The following DDX60L variants were observed in gnomAD, a reference collection of about 807,000 sequenced individuals.
DDX60L encodes the protein DExD/H-box 60 like, also known as probable ATP-dependent RNA helicase DDX60-like.
DDX60L carries 191 observed loss-of-function variants against 211.6 expected under a neutral mutation model. The ratio of observed to expected loss-of-function variants is 0.90; its 90% CI spans 0.80 to 1.02. The LOEUF is 1.02. Ranked by LOEUF, DDX60L falls within the 50% of genes least tolerant of loss-of-function variation. DDX60L has a pLI of 0.00. For synonymous variants in DDX60L, 706 were observed against 694.1 expected (o/e 1.02, Z -0.27); for missense variants, 2,007 against 1,984.1 (o/e 1.01, Z -0.22).
chr4:168,414,486 T>A (rs1185940288), intron 22 of DDX60L, among the ~76,000 whole-genome samples: 2 of 152,122 alleles, frequency 1.3e-5, no homozygotes, highest in Non-Finnish European at 2.9e-5. Flanking sequence ...TACCTTATGA[T>A]CCAGCAATAC....
At chr4:168,358,380 G>A in intron 37 of DDX60L, 104 bp from the exon 38 acceptor site, 1 of 823,212 alleles carries the variant, frequency 1.2e-6, no homozygotes, top group Non-Finnish European at 1.8e-6. Context: ...AAATCTATCA[G>A]ATGTAAATAT....
At chr4:168,427,701 T>C (rs1045299206) in intron 13 of DDX60L, among the ~76,000 whole-genome samples, 1 of 152,172 alleles carries the variant, frequency 6.6e-6, no homozygotes, top group Non-Finnish European at 1.5e-5. Context: ...CACAAAGCAT[T>C]TTGGGCCTCC....
At chr4:168,419,420 T>C (rs965773491) in intron 18 of DDX60L, 23 bp from the exon 19 acceptor site, 5 of 1,521,690 alleles carry the variant, frequency 3.3e-6, no homozygotes, top group Non-Finnish European at 4.5e-6. Context: ...ATGATTAGTG[T>C]AGCTAACTTT....
intron 25 of DDX60L, among the ~76,000 whole-genome samples, chr4:168,402,795 T>C (rs1360583252): frequency 6.6e-6 from 1 of 152,178 alleles, no homozygotes; most frequent in East Asian, 1.9e-4. Flanking sequence ...TTCTCAATGT[T>C]CCAGAGCTAC....
chr4:168,410,042 T>C (rs775008035), intron 22 of DDX60L, among the ~76,000 whole-genome samples: 2 of 152,186 alleles, frequency 1.3e-5, no homozygotes, highest in Non-Finnish European at 2.9e-5. Flanking sequence ...GCAACTTTTG[T>C]GTATATGGCA....
intron 30 of DDX60L, among the ~76,000 whole-genome samples, chr4:168,383,006 T>A (rs1473779054): frequency 6.6e-6 from 1 of 152,188 alleles, no homozygotes; most frequent in Admixed American, 6.5e-5. Flanking sequence ...TTATTGCCAT[T>A]TTGTAGCTGA....
intron 3 of DDX60L, among the ~76,000 whole-genome samples, chr4:168,472,142 A>G (rs1758869804): frequency 6.6e-6 from 1 of 152,244 alleles, no homozygotes; most frequent in African/African-American, 2.4e-5. Flanking sequence ...AATTAGGCTC[A>G]GAGAGGCAAA....
rs1283440285 is a variant in DDX60L, at chr4:168,375,584, T to C, written c.4486-60A>G. 6.2e-6 allele frequency: 9 copies of C among 1,450,252 alleles called. 1 individual carries two copies. Among genetic ancestry groups the C allele is most frequent in the African/African-American group, 1.4e-5 (1 of 69,468 alleles). 89.8% of individuals were successfully genotyped at this position (1,450,252 alleles called of 1,614,324 possible). On this transcript the variant is annotated intron_variant, in intron 33 of 37. Transcript: ENST00000682922. Reference sequence around the variant, plus strand: ...ACTTTTATTTAAAAAATTAAACTGCTTGGTGATAAGATTGCAGCATAGTTC... The same window carrying C: ...ACTTTTATTTAAAAAATTAAACTGCCTGGTGATAAGATTGCAGCATAGTTC...
At chr4:168,437,439 G>C (rs1370636210) in intron 10 of DDX60L, among the ~76,000 whole-genome samples, 2 of 152,112 alleles carry the variant, frequency 1.3e-5, no homozygotes, top group East Asian at 1.9e-4. Flanking sequence ...CTGAGAGAGA[G>C]GCATGGGATT....
At chr4:168,393,254 G>A (rs11727933) in intron 28 of DDX60L, among the ~76,000 whole-genome samples, 2,460 of 152,180 alleles carry the variant, frequency 0.016, 29 homozygotes, top group Non-Finnish European at 0.026. Context: ...CCAGCATTTC[G>A]GGAGGCTGAG....
chr4:168,390,641 T>TC, intron 29 of DDX60L: 1 of 615,194 alleles, frequency 1.6e-6, no homozygotes, highest in East Asian at 3.3e-5. Flanking sequence ...TATTGTCAGT[T>TC]TTTTTTTTAG....
chr4:168,419,026 CT>C (rs1351331868), intron 19 of DDX60L, among the ~76,000 whole-genome samples: 2 of 152,232 alleles, frequency 1.3e-5, no homozygotes, highest in Non-Finnish European at 2.9e-5. Context: ...ATGCTTCCCC[CT>C]CCCTTCATCC....
chr4:168,423,188 G>T (rs187652653), intron 15 of DDX60L, among the ~76,000 whole-genome samples: 7 of 152,096 alleles, frequency 4.6e-5, no homozygotes, highest in African/African-American at 1.4e-4. Context: ...TTATTCTTGG[G>T]AAAAGTCAAA....
intron 4 of DDX60L, among the ~76,000 whole-genome samples, chr4:168,464,367 G>GA (rs1411761837): frequency 1.3e-5 from 2 of 148,992 alleles, no homozygotes; most frequent in Admixed American, 6.7e-5. Flanking sequence ...AACACATCTA[G>GA]AAAAAACAAG....
At position 168,427,298 on chromosome 4, in the gene DDX60L, T is replaced by TG; in HGVS notation, c.1701dup (p.Lys568GlnfsTer4). ...AGAAATGACTTTTTCTTACTCTTTT[T>TG]GGTAATTTGGTGGGGTTTGGTATTC... On this transcript the variant is annotated frameshift_variant, in exon 14 of 38. Transcript: ENST00000682922. LOFTEE classifies it high-confidence loss of function. 1 of 1,613,376 alleles carries TG rather than the reference T, an allele frequency of 6.2e-7. No individual in the cohort carries two copies. Among genetic ancestry groups the TG allele is most frequent in the Non-Finnish European group, 8.5e-7 (1 of 1,179,766 alleles).
intron 22 of DDX60L, among the ~76,000 whole-genome samples, chr4:168,408,076 A>G (rs1748067095): frequency 2.6e-5 from 4 of 152,212 alleles, no homozygotes; most frequent in Admixed American, 1.3e-4. Flanking sequence ...CATAAACTGC[A>G]TCTTGCAGGT....
At chr4:168,407,969 C>G (rs1748042044) in intron 22 of DDX60L, among the ~76,000 whole-genome samples, 1 of 152,178 alleles carries the variant, frequency 6.6e-6, no homozygotes, top group African/African-American at 2.4e-5. Flanking sequence ...TAGCAATTCT[C>G]AGATTGAATT....
chr4:168,442,588 A>G (rs1270208691), intron 9 of DDX60L, among the ~76,000 whole-genome samples: 1 of 149,734 alleles, frequency 6.7e-6, no homozygotes, highest in Non-Finnish European at 1.5e-5. Flanking sequence ...ACAGACAAAG[A>G]AAAAGGCAGC....
chr4:168,458,557 A>G (rs1228532125), intron 5 of DDX60L, among the ~76,000 whole-genome samples: 3 of 152,196 alleles, frequency 2.0e-5, no homozygotes, highest in Admixed American at 1.3e-4. Flanking sequence ...GCAGGACCAG[A>G]CAACCAAACA....
Sources: gnomAD v4.1 joint callset for allele counts (sites outside exome capture counted in the v4.1 genomes callset) on GRCh38, gnomAD v4.1.1 for gene constraint, MANE v1.5 for transcripts, NCBI Gene and HGNC (gene_info 2026-07-23, HGNC 2026-07-21) for gene names.